RERE: variants seen among roughly 807,000 people sequenced by gnomAD.
RERE encodes the protein arginine-glutamic acid dipeptide repeats protein.
In RERE, 40 loss-of-function variants were observed where a neutral mutation model predicts 146.1. The ratio of observed to expected loss-of-function variants is 0.27; its 90% CI spans 0.21 to 0.36. RERE has a LOEUF of 0.36. RERE is among the 10% of genes least tolerant of loss of function. RERE has a pLI of 1.00. For missense variants in RERE, 1,933 were observed against 2,138.7 expected (o/e 0.90, Z 1.90); for synonymous variants, 1,003 against 866.0 (o/e 1.16, Z -2.78).
intron 6 of RERE, among the ~76,000 whole-genome samples, chr1:8,552,929 C>T (rs951592782): frequency 1.1e-4 from 17 of 152,006 alleles, no homozygotes; most frequent in African/African-American, 2.2e-4. Flanking sequence ...TTCACACACA[C>T]GTGACACCAC....
At chr1:8,632,435 C>T (rs959424581) in intron 2 of RERE, among the ~76,000 whole-genome samples, 7 of 152,216 alleles carry the variant, frequency 4.6e-5, no homozygotes, top group Admixed American at 3.9e-4. Flanking sequence ...ATTCACAATG[C>T]GTGTGTTATA....
chr1:8,702,007 A>C (rs535698321), intron 1 of RERE, among the ~76,000 whole-genome samples: 2 of 151,904 alleles, frequency 1.3e-5, no homozygotes, highest in South Asian at 4.2e-4. Context: ...CTTACATGGG[A>C]TATTGTTCCC....
intron 12 of RERE, among the ~76,000 whole-genome samples, chr1:8,372,661 C>T (rs1642085825): frequency 1.3e-5 from 2 of 152,222 alleles, no homozygotes; most frequent in African/African-American, 2.4e-5. Flanking sequence ...AGTTTTACGA[C>T]CAACAGCAAA....
rs1253597045 is a variant in RERE at position 8,364,120 on chromosome 1, A to C, written c.1676T>G (p.Val559Gly). Reference protein sequence around the residue: ...VDPPPFMFKPVKEEDDGLSGK... With the variant: ...VDPPPFMFKPGKEEDDGLSGK... ...ACTGAGCCCATCATCCTCTTCCTTG[A>C]CGGGTTTGAACATAAACGGTGGCGG... Residue 559 changes from valine to glycine, a missense_variant, in exon 15 of 23, where the codon GTC (valine) becomes GGC (glycine). Physicochemically the swap from Val to Gly is moderately radical, Grantham distance 109. Around this residue, in one of 11 missense-constraint regions of RERE, gnomAD observed 260 missense variants for 378.4 expected, o/e 0.69. Transcript: ENST00000400908. This position sits in a 1 kb window ranked among gnomAD's most constrained non-coding sequence, Gnocchi z 5.1. 2 of 1,614,008 alleles carry C rather than the reference A, an allele frequency of 1.2e-6. No homozygotes were observed. Among genetic ancestry groups the C allele is most frequent in the Non-Finnish European group, 1.7e-6 (2 of 1,179,994 alleles).
intron 12 of RERE, among the ~76,000 whole-genome samples, chr1:8,392,309 C>T (rs1557606761): frequency 6.6e-6 from 1 of 151,800 alleles, no homozygotes; most frequent in East Asian, 1.9e-4. Flanking sequence ...ACAAAATACA[C>T]AATTGAAAAA....
intron 1 of RERE, among the ~76,000 whole-genome samples, chr1:8,815,049 G>A (rs372893806): frequency 2.4e-4 from 36 of 152,190 alleles, no homozygotes; most frequent in African/African-American, 7.7e-4. Flanking sequence ...CATCCTCTTC[G>A]TCTGGATCTT....
At chr1:8,531,326 C>T (rs1284966555) in intron 7 of RERE, among the ~76,000 whole-genome samples, 1 of 151,838 alleles carries the variant, frequency 6.6e-6, no homozygotes, top group Non-Finnish European at 1.5e-5. Context: ...ACCTGTAGTC[C>T]CAGCTACTCA....
chr1:8,802,845 T>C (rs896903774), intron 1 of RERE, among the ~76,000 whole-genome samples: 3 of 152,146 alleles, frequency 2.0e-5, no homozygotes, highest in East Asian at 1.9e-4. Flanking sequence ...AGGCTTTTAG[T>C]ATGCATTCAT....
intron 1 of RERE, among the ~76,000 whole-genome samples, chr1:8,746,666 G>C (rs1260312210): frequency 6.6e-6 from 1 of 151,800 alleles, no homozygotes; most frequent in African/African-American, 2.4e-5. Flanking sequence ...TGACATACGA[G>C]TCATGATCGT....
rs1177188760 is a variant in RERE, at chr1:8,670,964, C to A, written c.-144-14523G>T. ...TAGCCCTCAGAAGTGGCTAACAGAG[C>A]GCACGTGGTGTGAGAAAAAAGGAGG... On this transcript the variant is annotated intron_variant, in intron 1 of 22. Transcript: ENST00000400908. Among the ~76,000 whole-genome samples the A allele has an allele frequency of 3.3e-5, 5 of 152,206 alleles. 1 individual carries two copies. In the East Asian group the frequency reaches 7.7e-4, roughly 24 times the overall value.
intron 4 of RERE, among the ~76,000 whole-genome samples, chr1:8,576,785 A>G (rs1334081945): frequency 6.6e-6 from 1 of 152,254 alleles, no homozygotes; most frequent in Non-Finnish European, 1.5e-5. Context: ...AAGCTGGCAC[A>G]ATTGTGTTAT....
At chr1:8,501,252 G>A (rs1457900740) in intron 8 of RERE, among the ~76,000 whole-genome samples, 1 of 141,530 alleles carries the variant, frequency 7.1e-6, no homozygotes, top group Admixed American at 6.8e-5. Context: ...TCCGGGAGGT[G>A]AGGGGCGCCT....
At chr1:8,619,567 G>A (rs1570523272) in intron 3 of RERE, among the ~76,000 whole-genome samples, 1 of 152,256 alleles carries the variant, frequency 6.6e-6, no homozygotes, top group African/African-American at 2.4e-5. Flanking sequence ...ACTATTACAG[G>A]ACTGAGTTTG....
At chr1:8,500,743 G>A (rs1645123448) in intron 8 of RERE, among the ~76,000 whole-genome samples, 1 of 151,768 alleles carries the variant, frequency 6.6e-6, no homozygotes, top group East Asian at 1.9e-4. Flanking sequence ...CTGCCCGGCC[G>A]CCATCCCATC....
At chr1:8,506,245 A>G (rs1645248928) in intron 8 of RERE, among the ~76,000 whole-genome samples, 1 of 152,228 alleles carries the variant, frequency 6.6e-6, no homozygotes, top group African/African-American at 2.4e-5. Context: ...CCGAGGTGGC[A>G]GTCAGGCCCA....
intron 12 of RERE, among the ~76,000 whole-genome samples, chr1:8,367,484 T>G (rs1337328795): frequency 6.6e-6 from 1 of 152,228 alleles, no homozygotes; most frequent in Non-Finnish European, 1.5e-5. Context: ...ATGTATCTCC[T>G]GGAGCACTGG....
chr1:8,814,196 G>T (rs1641867475), intron 1 of RERE, among the ~76,000 whole-genome samples: 1 of 152,190 alleles, frequency 6.6e-6, no homozygotes, highest in Admixed American at 6.5e-5. Flanking sequence ...AAGTGAATCA[G>T]AAGTCACATT....
Position 8,423,780 on chromosome 1 carries a change from G to A in RERE, c.1204-973C>T, listed in dbSNP as rs1338009999. On this transcript the variant is annotated intron_variant, in intron 11 of 22. Transcript: ENST00000400908. The surrounding 1 kb of genome is among the most constrained non-coding windows in gnomAD (Gnocchi z 5.4). The stretch of plus-strand genomic sequence containing the variant: ...TGGGGCCGCCGCTGACGGGGGAGGA[G>A]GCAGGAGCGCGGCGCGCAGAGCCCG... The A allele has an allele frequency of 1.3e-6, 1 of 782,258 alleles. No individual in the cohort carries two copies. The highest frequency in any genetic ancestry group is 1.5e-6 in the Non-Finnish European group (1 of 647,782). 48.5% of individuals were successfully genotyped at this position (782,258 alleles called of 1,614,324 possible). A position where few individuals can be genotyped will look rare whatever the true frequency, so the allele number is the denominator to read the frequency against.
intron 1 of RERE, among the ~76,000 whole-genome samples, chr1:8,751,360 T>G (rs1640531154): frequency 6.6e-6 from 1 of 152,200 alleles, no homozygotes. Flanking sequence ...ATGAGTCTAA[T>G]ATCTCCAAAT....
Sources: gnomAD v4.1 joint callset for allele counts (sites outside exome capture counted in the v4.1 genomes callset) on GRCh38, gnomAD v4.1.1 for gene constraint, gnomAD v4.1.1 regional missense constraint, Gnocchi (gnomAD v3.1) non-coding constraint, MANE v1.5 for transcripts, NCBI Gene and HGNC (gene_info 2026-07-23, HGNC 2026-07-21) for gene names.